Variants in SOCS7 observed in about 807,000 individuals in gnomAD.
The protein encoded by SOCS7 is NAP-4.
Under a neutral mutation model 58.9 loss-of-function variants are expected in SOCS7, and 18 were observed. The ratio of observed to expected loss-of-function variants is 0.31; its 90% CI spans 0.21 to 0.45. SOCS7 has a LOEUF of 0.45. Among genes scored for constraint, SOCS7 ranks in the 20% least tolerant of loss-of-function variants. The pLI is 1.00. For synonymous variants in SOCS7, 388 were observed against 364.3 expected (o/e 1.06, Z -0.74); for missense variants, 667 against 837.3 (o/e 0.80, Z 2.51).
chr17:38,381,024 C>T (rs1328932416), intron 7 of SOCS7, among the ~76,000 whole-genome samples: 1 of 152,048 alleles, frequency 6.6e-6, no homozygotes, highest in Non-Finnish European at 1.5e-5. Flanking sequence ...GACTACAAAT[C>T]CTTGACTTTA....
intron 1 of SOCS7, among the ~76,000 whole-genome samples, chr17:38,354,905 C>T (rs375668534): frequency 2.6e-5 from 4 of 152,186 alleles, no homozygotes; most frequent in African/African-American, 4.8e-5. Flanking sequence ...TGACATTATA[C>T]GGTTTTTTGC....
At chr17:38,374,256 G>A (rs2037904102) in intron 6 of SOCS7, among the ~76,000 whole-genome samples, 1 of 150,718 alleles carries the variant, frequency 6.6e-6, no homozygotes, top group South Asian at 2.1e-4. Flanking sequence ...AGAAATTGTG[G>A]GCCAGGTGCA....
At chr17:38,396,035 T>G in intron 9 of SOCS7, 37 bp downstream of exon 9, 1 of 1,519,822 alleles carries the variant, frequency 6.6e-7, no homozygotes, top group Non-Finnish European at 8.8e-7. Flanking sequence ...GCCACATTTC[T>G]TCCTGGGCAG....
chr17:38,352,271 G>T lies in SOCS7; in HGVS notation c.219G>T (p.Pro73=). The T allele has an allele frequency of 6.8e-7, 1 of 1,478,324 alleles. No individual in the cohort carries two copies. The highest frequency in any genetic ancestry group is 1.3e-5 in the South Asian group (1 of 76,968). The allele number at this position is 1,478,324 out of a possible 1,614,324, so 91.6% of individuals were successfully genotyped here. A position where few individuals can be genotyped will look rare whatever the true frequency, so the allele number is the denominator to read the frequency against. Residue 73 remains proline, a synonymous_variant, in exon 1 of 10, where the codon CCG becomes CCT. Transcript: ENST00000612932. This position sits in a 1 kb window ranked among gnomAD's most constrained non-coding sequence, Gnocchi z 5.5. ...QLMVFRNVGR[P]PEEEDVEAAP... ...TGGTGTTCCGCAACGTGGGTCGGCC[G>T]CCGGAGGAGGAGGACGTGGAGGCGG... is the stretch of plus-strand genomic sequence containing the variant.
chr17:38,391,081 T>G (rs1460608043), intron 7 of SOCS7, among the ~76,000 whole-genome samples: 1 of 152,216 alleles, frequency 6.6e-6, no homozygotes, highest in African/African-American at 2.4e-5. Flanking sequence ...GTAAATTGTT[T>G]TCTTAATTTT....
rs2038344757 is a variant in SOCS7 at position 38,403,158 on chromosome 17, T to C, written c.*3676T>C. 6.6e-6 allele frequency: 1 copy of C among 151,926 alleles called. No individual in the cohort carries two copies. Among genetic ancestry groups the C allele is most frequent in the Admixed American group, 6.6e-5 (1 of 15,256 alleles). 9.4% of individuals were successfully genotyped at this position (151,926 alleles called of 1,614,324 possible). ...GGCGCCACCTCCCTGAGGAGAAAGG[T>C]GTGGCCAAAGGAAACTCCTGCATGG... On this transcript the variant is annotated 3_prime_UTR_variant, in exon 10 of 10. Transcript: ENST00000612932.
In SOCS7 at chr17:38,366,327, C is replaced by T; in HGVS notation, c.1293C>T (p.Ser431=). The change falls in exon 5 of 10, where the codon TCC becomes TCT. Residue 431 remains serine, a synonymous_variant. Coordinates refer to ENST00000612932, the MANE Select transcript of SOCS7 (RefSeq NM_014598.4). ...PRIAPIRAAE[S]LHSQPPQHLQ... Reference sequence around the variant, plus strand: ...TTGCTCCCATCCGAGCAGCTGAATCCCTGCACAGCCAACCCCCACAGCACC... The same window carrying T: ...TTGCTCCCATCCGAGCAGCTGAATCTCTGCACAGCCAACCCCCACAGCACC... The T allele has an allele frequency of 1.2e-6, 2 of 1,614,160 alleles. No individual in the cohort carries two copies. The highest frequency in any genetic ancestry group is 1.6e-4 in the Middle Eastern group (1 of 6,062).
intron 2 of SOCS7, among the ~76,000 whole-genome samples, chr17:38,363,362 G>A (rs749103909): frequency 2.0e-5 from 3 of 152,122 alleles, no homozygotes; most frequent in Admixed American, 2.0e-4. Context: ...TTGACACAGG[G>A]CCTCACTTTG....
chr17:38,394,087 A>G (rs982243583), intron 7 of SOCS7, among the ~76,000 whole-genome samples: 5 of 152,168 alleles, frequency 3.3e-5, no homozygotes, highest in Admixed American at 3.3e-4. Flanking sequence ...CCCTTTGTTT[A>G]TTGAAAGCAA....
chr17:38,352,418 G>T lies in SOCS7; in HGVS notation c.366G>T (p.Ala122=). 1 of 1,447,918 alleles carries T rather than the reference G, an allele frequency of 6.9e-7. No homozygotes were observed. Among genetic ancestry groups the T allele is most frequent in the Non-Finnish European group, 9.0e-7 (1 of 1,106,788 alleles). 89.7% of individuals were successfully genotyped at this position (1,447,918 alleles called of 1,614,324 possible). ...GGGGCCCGGCGGCTGGACTAGAGGC[G>T]CAGTTGGCGGCTCTGGGGCTCGGGC... The part of the protein sequence containing the change: ...RTWGPAAGLE[A]QLAALGLGQP... Residue 122 remains alanine, a synonymous_variant, in exon 1 of 10, where the codon GCG becomes GCT. Transcript: ENST00000612932. This position sits in a 1 kb window ranked among gnomAD's most constrained non-coding sequence, Gnocchi z 5.5.
intron 7 of SOCS7, among the ~76,000 whole-genome samples, chr17:38,384,574 G>A (rs940314223): frequency 1.3e-5 from 2 of 151,634 alleles, no homozygotes; most frequent in Non-Finnish European, 1.5e-5. Flanking sequence ...GATTACAGGT[G>A]TGAACCACCA....
At chr17:38,380,119 G>A (rs1270641333) in intron 7 of SOCS7, among the ~76,000 whole-genome samples, 2 of 152,110 alleles carry the variant, frequency 1.3e-5, no homozygotes, top group African/African-American at 4.8e-5. Flanking sequence ...GTGGAATATT[G>A]GACTCCTCAG....
At chr17:38,361,659 C>T (rs751652753) in intron 1 of SOCS7, 52 bp from the exon 2 acceptor site, 4 of 1,360,426 alleles carry the variant, frequency 2.9e-6, no homozygotes, top group South Asian at 1.2e-5. Context: ...GACTTAAATG[C>T]ATATGTGTTC....
At chr17:38,369,674 C>CTTTTTTTTTTTTTTTTTTTT (rs11299884) in intron 6 of SOCS7, among the ~76,000 whole-genome samples, 1 of 125,986 alleles carries the variant, frequency 7.9e-6, no homozygotes. Flanking sequence ...TCTCCGATTA[C>CTTTTTTTTTTTTTTTTTTTT]TTTTTTTTTT....
intron 6 of SOCS7, among the ~76,000 whole-genome samples, chr17:38,377,510 C>A (rs537145524): frequency 1.3e-5 from 2 of 152,086 alleles, no homozygotes; most frequent in Non-Finnish European, 2.9e-5. Context: ...CCTTGTAAGA[C>A]CTAATTTATG....
intron 7 of SOCS7, among the ~76,000 whole-genome samples, chr17:38,386,587 T>C (rs2038070931): frequency 6.6e-6 from 1 of 152,176 alleles, no homozygotes; most frequent in African/African-American, 2.4e-5. Context: ...AGCTGTTCAT[T>C]GGGAGTTGCA....
intron 6 of SOCS7, among the ~76,000 whole-genome samples, chr17:38,373,331 G>A (rs915154811): frequency 1.3e-5 from 2 of 152,156 alleles, no homozygotes; most frequent in African/African-American, 4.8e-5. Flanking sequence ...CAGCAGACAG[G>A]TTCCCAGACA....
chr17:38,392,487 A>G (rs1010336613), intron 7 of SOCS7, among the ~76,000 whole-genome samples: 2 of 152,254 alleles, frequency 1.3e-5, no homozygotes, highest in African/African-American at 4.8e-5. Flanking sequence ...TAAAGAATAT[A>G]TAAATACCAG....
chr17:38,374,385 A>T (rs1019453853), intron 6 of SOCS7, among the ~76,000 whole-genome samples: 1 of 152,104 alleles, frequency 6.6e-6, no homozygotes, highest in Non-Finnish European at 1.5e-5. Flanking sequence ...AAAAGATACA[A>T]AAATTAGCTG....
Sources: gnomAD v4.1 joint callset for allele counts (sites outside exome capture counted in the v4.1 genomes callset) on GRCh38, gnomAD v4.1.1 for gene constraint, Gnocchi (gnomAD v3.1) non-coding constraint, MANE v1.5 for transcripts, NCBI Gene and HGNC (gene_info 2026-07-23, HGNC 2026-07-21) for gene names.